ZYG11A: variants seen among roughly 807,000 people sequenced by gnomAD.
ZYG11A encodes the protein protein zyg-11 homolog A.
Under a neutral mutation model 77.2 loss-of-function variants are expected in ZYG11A, and 62 were observed. The observed-to-expected ratio is 0.80, with a 90% CI of 0.65 to 0.99. The LOEUF (loss-of-function observed/expected upper bound fraction) is 0.99, where lower values mean the gene tolerates loss of function less well. Among genes scored for constraint, ZYG11A ranks in the 50% least tolerant of loss-of-function variants. The pLI, the probability that ZYG11A is intolerant of heterozygous loss-of-function variation, is 0.00. For missense variants in ZYG11A, 828 were observed against 896.8 expected (o/e 0.92, Z 0.98); for synonymous variants, 315 against 324.6 (o/e 0.97, Z 0.32).
At chr1:52,844,009 C>G (rs1160235142) in intron 1 of ZYG11A, among the ~76,000 whole-genome samples, 1 of 152,104 alleles carries the variant, frequency 6.6e-6, no homozygotes, top group African/African-American at 2.4e-5. Context: ...CTAAAGCAGT[C>G]TGGTAACCCC....
In ZYG11A at chr1:52,892,981, T is replaced by TCC. The variant is rs1344105520; in HGVS notation, c.*24_*25insCC. The TCC allele has an allele frequency of 1.3e-6, 2 of 1,543,998 alleles. No homozygotes were observed. Among genetic ancestry groups the TCC allele is most frequent in the African/African-American group, 2.7e-5 (2 of 72,916 alleles). ...GAACCTAAGGAATTTCAGAGGTGTG[T>TCC]GCTCTTCCTCAATGTCAGGTGTTCT... On this transcript the variant is annotated 3_prime_UTR_variant, in exon 14 of 14. Coordinates refer to ENST00000371528, the MANE Select transcript of ZYG11A (RefSeq NM_001004339.3).
At chr1:52,883,467 G>A (rs866172130) in intron 11 of ZYG11A, among the ~76,000 whole-genome samples, 24 of 149,840 alleles carry the variant, frequency 1.6e-4, no homozygotes, top group African/African-American at 5.9e-4. Flanking sequence ...TCGGTCTGTT[G>A]CCCGGGCTGG....
intron 10 of ZYG11A, 56 bp from the exon 11 acceptor site, chr1:52,881,415 C>G (rs1158805299): frequency 3.8e-6 from 5 of 1,326,622 alleles, no homozygotes; most frequent in Non-Finnish European, 4.0e-6. Context: ...AAAGCCAATT[C>G]CTGATTCTCC....
chr1:52,857,031 G>A lies in ZYG11A; in HGVS notation c.290G>A (p.Arg97Gln), dbSNP rs934304733. The change falls in exon 3 of 14, where the codon CGA becomes CAA. Residue 97 changes from arginine to glutamine, a missense_variant. Arg to Gln is a conservative substitution (Grantham distance 43). Coordinates refer to ENST00000371528, the MANE Select transcript of ZYG11A (RefSeq NM_001004339.3). ...ACTGACAGAACAGCCAGCATTTTCC[G>A]AGGCAACCAAATGAAACTGAAGCTG... ...KLTDRTASIF[R>Q]GNQMKLKLVN... is the part of the protein sequence containing the mutation. 12 of 1,545,190 alleles carry A rather than the reference G, an allele frequency of 7.8e-6. No homozygotes were observed. The highest frequency in any genetic ancestry group is 2.0e-5 in the Admixed American group (1 of 50,524).
chr1:52,851,119 A>G (rs529577119), intron 1 of ZYG11A, among the ~76,000 whole-genome samples: 1 of 150,614 alleles, frequency 6.6e-6, no homozygotes, highest in South Asian at 2.1e-4. Flanking sequence ...TCATTGCCTC[A>G]CTGCAGCCTT....
intron 8 of ZYG11A, among the ~76,000 whole-genome samples, chr1:52,870,167 CT>C (rs1646127745): frequency 1.6e-5 from 2 of 124,514 alleles, no homozygotes; most frequent in African/African-American, 2.6e-5. Context: ...CAGAGACGCT[CT>C]TCACTTCCTA....
intron 13 of ZYG11A, among the ~76,000 whole-genome samples, chr1:52,891,225 C>G (rs1290763429): frequency 6.6e-6 from 1 of 151,968 alleles, no homozygotes; most frequent in Non-Finnish European, 1.5e-5. Context: ...TGCTCTTGGA[C>G]TGTCTTTAAT....
intron 1 of ZYG11A, among the ~76,000 whole-genome samples, chr1:52,848,160 T>C (rs562782061): frequency 1.3e-5 from 2 of 152,002 alleles, no homozygotes; most frequent in African/African-American, 4.8e-5. Context: ...TGAGCCACCA[T>C]GCCCAGCTAT....
rs1186677730 is a variant in ZYG11A, at chr1:52,885,873, T to TGAC, written c.1986_1988dup (p.Thr663dup). On this transcript the variant is annotated inframe_insertion, in exon 12 of 14. Transcript: ENST00000371528. Reference sequence around the variant, plus strand: ...AATTGGCCAAGTTCAAGTTGTAAGATGACAGCATTGGTGACCTATAGGTAA... The same window carrying TGAC: ...AATTGGCCAAGTTCAAGTTGTAAGATGACGACAGCATTGGTGACCTATAGGTAA... 1 of 1,548,444 alleles carries TGAC rather than the reference T, an allele frequency of 6.5e-7. No individual in the cohort carries two copies. Among genetic ancestry groups the TGAC allele is most frequent in the African/African-American group, 1.4e-5 (1 of 72,938 alleles).
chr1:52,881,537 A>C lies in ZYG11A; in HGVS notation c.1816A>C (p.Asn606His). Residue 606 changes from asparagine to histidine, a missense_variant, in exon 11 of 14, where the codon AAC (asparagine) becomes CAC (histidine). Transcript: ENST00000371528. ...LVTEDVLKHI[N>H]SLLCSREMEV... The stretch of plus-strand genomic sequence containing the variant: ...GACCGAAGATGTGCTGAAGCATATC[A>C]ACAGTTTACTCTGTAGCAGGGAAAT... The C allele has an allele frequency of 6.4e-7, 1 of 1,552,002 alleles. No homozygotes were observed. Among genetic ancestry groups the C allele is most frequent in the Non-Finnish European group, 8.7e-7 (1 of 1,147,048 alleles).
chr1:52,858,121 G>GCA (rs767718676), intron 3 of ZYG11A, among the ~76,000 whole-genome samples: 1 of 150,642 alleles, frequency 6.6e-6, no homozygotes, highest in Non-Finnish European at 1.5e-5. Context: ...TACAGGCTGG[G>GCA]CATGGTGGCT....
At chr1:52,867,328 C>A (rs147354748) in intron 6 of ZYG11A, among the ~76,000 whole-genome samples, 47 of 152,228 alleles carry the variant, frequency 3.1e-4, no homozygotes, top group East Asian at 2.9e-3. Context: ...TATGTAAATT[C>A]TGTGTATTTT....
rs1158088761 is a variant in ZYG11A, at chr1:52,893,320, A to G, written c.*363A>G. 1 of 175,676 alleles carries G rather than the reference A, an allele frequency of 5.7e-6. No individual in the cohort carries two copies. The highest frequency in any genetic ancestry group is 5.5e-5 in the Admixed American group (1 of 18,124). The allele number at this position is 175,676 out of a possible 1,614,324, so 10.9% of individuals were successfully genotyped here. ...GTTCACTAGAAGAGAAAGGAAACCT[A>G]CAGGGAGACTTTGATATTTATATTA... is the stretch of plus-strand genomic sequence containing the variant. On this transcript the variant is annotated 3_prime_UTR_variant, in exon 14 of 14. Coordinates refer to ENST00000371528, the MANE Select transcript of ZYG11A (RefSeq NM_001004339.3).
intron 2 of ZYG11A, among the ~76,000 whole-genome samples, chr1:52,856,657 T>C (rs547443618): frequency 2.6e-5 from 4 of 152,226 alleles, no homozygotes; most frequent in African/African-American, 9.6e-5. Context: ...TTGTTCTTCC[T>C]TTCTGTGAGC....
At chr1:52,864,263 A>G in intron 5 of ZYG11A, 106 bp downstream of exon 5, 1 of 1,166,514 alleles carries the variant, frequency 8.6e-7, no homozygotes, top group South Asian at 1.6e-5. Context: ...TTGTTTTTTT[A>G]AAGACAGAGT....
intron 13 of ZYG11A, 44 bp downstream of exon 13, chr1:52,887,097 A>G (rs1646466830): frequency 7.8e-6 from 9 of 1,150,100 alleles, no homozygotes; most frequent in African/African-American, 3.1e-5. Flanking sequence ...TTTTCCAGCT[A>G]TTTTTCTGTG....
intron 10 of ZYG11A, among the ~76,000 whole-genome samples, chr1:52,880,438 C>A (rs1379164970): frequency 6.6e-6 from 1 of 152,164 alleles, no homozygotes; most frequent in Non-Finnish European, 1.5e-5. Flanking sequence ...TAGACAGACT[C>A]TCCCAGTGAT....
At chr1:52,872,895 A>G (rs551136413) in intron 8 of ZYG11A, among the ~76,000 whole-genome samples, 7,315 of 61,518 alleles carry the variant, frequency 0.12, 340 homozygotes, top group African/African-American at 0.21. Context: ...AAAAAAAAAA[A>G]AAAAGAAAAG....
In ZYG11A at chr1:52,877,709, A is replaced by G. The variant is rs945527215; in HGVS notation, c.1570A>G (p.Thr524Ala). The change falls in exon 9 of 14, where the codon ACT (threonine) becomes GCT (alanine). Residue 524 changes from threonine (T) to alanine (A), a missense_variant. Thr to Ala is a moderately conservative substitution (Grantham distance 58). Coordinates refer to ENST00000371528, the MANE Select transcript of ZYG11A (RefSeq NM_001004339.3). ...KELLAIVKQK[T>A]TENLDDVTFL... ...ACTTCTAGCAATAGTAAAACAAAAG[A>G]CTACTGAGAATTTAGATGATGTCAC... 4 of 1,550,546 alleles carry G rather than the reference A, an allele frequency of 2.6e-6. No homozygotes were observed. The African/African-American group carries it at 4.1e-5, about 16-fold the overall frequency.
Sources: allele counts gnomAD v4.1 joint callset (sites outside exome capture counted in the v4.1 genomes callset), GRCh38; gene constraint gnomAD v4.1.1; transcripts MANE v1.5; gene names NCBI Gene and HGNC (gene_info 2026-07-23, HGNC 2026-07-21).